Variants in WDR7 observed in about 807,000 individuals in gnomAD.
The protein encoded by WDR7 is WD repeat-containing protein 7.
Under a neutral mutation model 169.4 loss-of-function variants are expected in WDR7, and 46 were observed. The ratio of observed to expected loss-of-function variants is 0.27; its 90% CI spans 0.21 to 0.35. The LOEUF is 0.35. WDR7 is among the 10% of genes least tolerant of loss of function. WDR7 has a pLI of 1.00. For missense variants in WDR7, 1,534 were observed against 1,859.3 expected, an observed-to-expected ratio of 0.83 and a Z score of 3.22; for synonymous variants, 612 against 666.8, an observed-to-expected ratio of 0.92 and a Z score of 1.27.
chr18:56,685,104 C>T (rs2025418880), intron 5 of WDR7, among the ~76,000 whole-genome samples: 1 of 152,040 alleles, frequency 6.6e-6, no homozygotes, highest in Non-Finnish European at 1.5e-5. Flanking sequence ...CCTTACAGTG[C>T]CTAGAGAACT....
intron 25 of WDR7, 142 bp downstream of exon 25, chr18:56,939,535 G>T: frequency 1.9e-6 from 1 of 513,618 alleles, no homozygotes; most frequent in South Asian, 6.7e-5. Context: ...AAAACAATAT[G>T]GGCAGGTTAC....
chr18:56,889,093 A>G lies in WDR7; in HGVS notation c.3526+8928A>G, dbSNP rs78702258. 1.1e-3 allele frequency among the ~76,000 whole-genome samples: 167 copies of G among 152,256 alleles called. 2 individuals are homozygous for G. The highest frequency in any genetic ancestry group is 3.9e-3 in the African/African-American group (160 of 41,556). ...AACTTTGGATAAGGCAGCTTTCCTT[A>G]TCCTAGGGCAAAGCCCACAGAGGGA... On this transcript the variant is annotated intron_variant, in intron 21 of 27. Coordinates refer to ENST00000254442, the MANE Select transcript of WDR7 (RefSeq NM_015285.3).
chr18:56,977,324 G>A (rs2047582297), intron 26 of WDR7, among the ~76,000 whole-genome samples: 1 of 152,234 alleles, frequency 6.6e-6, no homozygotes, highest in Non-Finnish European at 1.5e-5. Context: ...AAAAGTTTCA[G>A]CTGTCCCCTT....
chr18:56,710,193 C>T (rs59203308), intron 12 of WDR7, among the ~76,000 whole-genome samples: 3,797 of 151,726 alleles, frequency 0.025, 152 homozygotes, highest in African/African-American at 0.086. Context: ...TTAGTAGACA[C>T]GGGGTTTCAC....
intron 13 of WDR7, 56 bp from the exon 14 acceptor site, chr18:56,731,327 A>C (rs1299659698): frequency 1.3e-6 from 2 of 1,564,572 alleles, no homozygotes; most frequent in Non-Finnish European, 1.7e-6. Flanking sequence ...TCTTTACTTA[A>C]ACTATTCAAA....
At chr18:56,857,018 G>A (rs1196993385) in intron 20 of WDR7, among the ~76,000 whole-genome samples, 2 of 152,136 alleles carry the variant, frequency 1.3e-5, no homozygotes, top group Non-Finnish European at 2.9e-5. Flanking sequence ...GTCAGCTTAA[G>A]CTAGCACAGA....
At chr18:56,698,428 A>G (rs2025752014) in intron 12 of WDR7, among the ~76,000 whole-genome samples, 1 of 151,726 alleles carries the variant, frequency 6.6e-6, no homozygotes, top group Non-Finnish European at 1.5e-5. Flanking sequence ...GACACGGTGA[A>G]ACCCCGTCTC....
intron 22 of WDR7, among the ~76,000 whole-genome samples, chr18:56,930,027 C>T (rs986231234): frequency 6.6e-6 from 1 of 152,144 alleles, no homozygotes; most frequent in Non-Finnish European, 1.5e-5. Flanking sequence ...GGCCTTTACT[C>T]TGAAAGAGAA....
chr18:56,773,392 A>G (rs1350292301), intron 16 of WDR7, among the ~76,000 whole-genome samples: 2 of 151,924 alleles, frequency 1.3e-5, no homozygotes, highest in African/African-American at 2.4e-5. Context: ...CAAACCTTCT[A>G]TTCATGATGA....
At chr18:56,961,925 A>C (rs1253944452) in intron 25 of WDR7, among the ~76,000 whole-genome samples, 1 of 152,140 alleles carries the variant, frequency 6.6e-6, no homozygotes, top group African/African-American at 2.4e-5. Context: ...CATAAATTTT[A>C]TGTAGTCTTT....
At chr18:56,793,723 T>C (rs1364461801) in intron 19 of WDR7, among the ~76,000 whole-genome samples, 2 of 152,212 alleles carry the variant, frequency 1.3e-5, no homozygotes, top group Admixed American at 1.3e-4. Context: ...ACATTTATTC[T>C]TGAAGTTTAT....
At chr18:56,791,489 G>A (rs1375236863) in intron 19 of WDR7, among the ~76,000 whole-genome samples, 1 of 151,900 alleles carries the variant, frequency 6.6e-6, no homozygotes, top group East Asian at 1.9e-4. Context: ...TATGTCTTAG[G>A]TTCTATTTTG....
rs141151492 is a variant in WDR7, at chr18:56,756,699, C to T, written c.2106C>T (p.Leu702=). The part of the protein sequence containing the change: ...FFDVEALIIQ[L]LTEEASRPNT... Reference sequence around the variant, plus strand: ...ATGTGGAAGCGTTGATTATTCAACTCCTGACTGAAGAAGCCTCTAGGCCGA... The same window carrying T: ...ATGTGGAAGCGTTGATTATTCAACTTCTGACTGAAGAAGCCTCTAGGCCGA... The change falls in exon 15 of 28, where the codon CTC becomes CTT. Residue 702 remains leucine, a synonymous_variant. Transcript: ENST00000254442. The T allele has an allele frequency of 3.7e-6, 6 of 1,613,974 alleles. No individual in the cohort carries two copies. Among genetic ancestry groups the T allele is most frequent in the African/African-American group, 1.3e-5 (1 of 74,912 alleles).
At chr18:56,917,554 T>C (rs912620672) in intron 21 of WDR7, among the ~76,000 whole-genome samples, 1 of 152,184 alleles carries the variant, frequency 6.6e-6, no homozygotes, top group Admixed American at 6.5e-5. Flanking sequence ...TGTGTGTGCA[T>C]GCATGTGTGT....
intron 25 of WDR7, among the ~76,000 whole-genome samples, chr18:56,960,601 T>A (rs2047325204): frequency 6.6e-6 from 1 of 152,170 alleles, no homozygotes; most frequent in Non-Finnish European, 1.5e-5. Flanking sequence ...TGTGTATAGA[T>A]ATAGATGTAG....
intron 21 of WDR7, among the ~76,000 whole-genome samples, chr18:56,912,393 C>G (rs2046564895): frequency 6.6e-6 from 1 of 152,186 alleles, no homozygotes; most frequent in Admixed American, 6.5e-5. Context: ...AATAAGTGAT[C>G]TCTGAATTGA....
chr18:56,824,600 C>A (rs1368657282), intron 20 of WDR7, among the ~76,000 whole-genome samples: 1 of 152,200 alleles, frequency 6.6e-6, no homozygotes, highest in Non-Finnish European at 1.5e-5. Context: ...ATCTCCTTAA[C>A]CTCCCTGCCC....
chr18:56,844,862 C>G (rs186896701), intron 20 of WDR7, among the ~76,000 whole-genome samples: 13 of 152,270 alleles, frequency 8.5e-5, no homozygotes, highest in African/African-American at 3.1e-4. Context: ...GTTTCAGTTA[C>G]TCATGGTACA....
chr18:56,816,137 C>T lies in WDR7; in HGVS notation c.3297C>T (p.Ile1099=). Residue 1099 remains isoleucine (I), a synonymous_variant, in exon 20 of 28, where the codon ATC becomes ATT. Coordinates refer to ENST00000254442, the MANE Select transcript of WDR7 (RefSeq NM_015285.3). Reference sequence around the variant, plus strand: ...AGCATGACCTTGTTGACGATGACATCACCACTGGTAAGCACAGACATCTTT... The same window carrying T: ...AGCATGACCTTGTTGACGATGACATTACCACTGGTAAGCACAGACATCTTT... The part of the protein sequence containing the change: ...EEEHDLVDDD[I]TTGCLSSVPQ... 6.2e-7 allele frequency: 1 copy of T among 1,612,656 alleles called. No homozygotes were observed. Among genetic ancestry groups the T allele is most frequent in the African/African-American group, 1.3e-5 (1 of 74,954 alleles).
Sources: gnomAD v4.1 joint callset for allele counts (sites outside exome capture counted in the v4.1 genomes callset) on GRCh38, gnomAD v4.1.1 for gene constraint, MANE v1.5 for transcripts, NCBI Gene and HGNC (gene_info 2026-07-23, HGNC 2026-07-21) for gene names.